RAX: variants seen among roughly 807,000 people sequenced by gnomAD.
RAX encodes the protein retina and anterior neural fold homeobox.
Under a neutral mutation model 17.4 loss-of-function variants are expected in RAX, and 11 were observed. That is an observed-to-expected ratio of 0.63 (90% CI 0.40 to 1.05). The LOEUF is 1.05. Ranked by LOEUF, RAX falls within the 50% of genes least tolerant of loss-of-function variation. The pLI, the probability that RAX is intolerant of heterozygous loss-of-function variation, is 0.00. For missense variants in RAX, 527 were observed against 501.1 expected (o/e 1.05, Z -0.49); for synonymous variants, 276 against 254.7 (o/e 1.08, Z -0.80).
In RAX at chr18:59,273,133, G is replaced by A. The variant is rs1309499862; in HGVS notation, c.74C>T (p.Pro25Leu). The change falls in exon 1 of 3, where the codon CCG (proline) becomes CTG (leucine). Residue 25 changes from proline to leucine, a missense_variant. Pro to Leu is a moderately conservative substitution (Grantham distance 98). Coordinates refer to ENST00000334889, the MANE Select transcript of RAX (RefSeq NM_013435.3). The stretch of plus-strand genomic sequence containing the variant: ...GTGAAGTCGCGAGGTGCTCCCGCCC[G>A]GGCTGCGGAGCAGGTGGCCGGCAAG... Reference protein sequence around the residue: ...FSLAGHLLRSPGGSTSRLHSI... With the variant: ...FSLAGHLLRSLGGSTSRLHSI... The A allele has an allele frequency of 6.5e-6, 10 of 1,534,880 alleles. No homozygotes were observed. The highest frequency in any genetic ancestry group is 1.2e-5 in the South Asian group (1 of 83,988).
intron 2 of RAX, among the ~76,000 whole-genome samples, 156 bp downstream of exon 2, chr18:59,272,205 A>G (rs748714160): frequency 1.3e-5 from 2 of 152,242 alleles, no homozygotes; most frequent in Non-Finnish European, 2.9e-5. Flanking sequence ...CACAGGGAAC[A>G]TCGAAGATCT....
rs2070287015 is a variant in RAX, at chr18:59,267,352, A to T, written c.*1652T>A. 1 of 152,200 alleles carries T rather than the reference A, an allele frequency of 6.6e-6. No homozygotes were observed. The highest frequency in any genetic ancestry group is 2.4e-5 in the African/African-American group (1 of 41,446). 9.4% of individuals were successfully genotyped at this position (152,200 alleles called of 1,614,324 possible). A position where few individuals can be genotyped will look rare whatever the true frequency, so the allele number is the denominator to read the frequency against. Reference sequence around the variant, plus strand: ...TCCTTTTCCCAAGTCGGTTTCAGGAACCGGAGAACAGCCAGGGAATTTCGG... The same window carrying T: ...TCCTTTTCCCAAGTCGGTTTCAGGATCCGGAGAACAGCCAGGGAATTTCGG... On this transcript the variant is annotated 3_prime_UTR_variant, in exon 3 of 3. Coordinates refer to ENST00000334889, the MANE Select transcript of RAX (RefSeq NM_013435.3).
chr18:59,271,507 A>G (rs1357093606), intron 2 of RAX, among the ~76,000 whole-genome samples: 1 of 152,260 alleles, frequency 6.6e-6, no homozygotes, highest in Non-Finnish European at 1.5e-5. Context: ...CAGAAAAGAA[A>G]AAGCAGCAGC....
intron 2 of RAX, 52 bp downstream of exon 2, chr18:59,272,309 A>G (rs770430016): frequency 4.0e-5 from 64 of 1,613,318 alleles, no homozygotes; most frequent in Admixed American, 1.3e-4. Flanking sequence ...ATTGGCTGCA[A>G]TTTGGGCCTC....
In RAX at chr18:59,272,388, C is replaced by T. The variant is rs144080426; in HGVS notation, c.516G>A (p.Lys172=). ...GGACCCGGACCTCTGGTAGGTTGAC[C>T]TTGCCGGCCAGCTCCTCGCGGCTGT... The part of the protein sequence containing the change: ...DVYSREELAG[K]VNLPEVRVQV... The change falls in exon 2 of 3, where the codon AAG becomes AAA. Residue 172 remains lysine, a synonymous_variant. Transcript: ENST00000334889. 699 of 1,614,142 alleles carry T rather than the reference C, an allele frequency of 4.3e-4. No individual in the cohort carries two copies. The highest frequency in any genetic ancestry group is 5.7e-4 in the Non-Finnish European group (674 of 1,180,058).
In RAX at chr18:59,268,958, G is replaced by C. The variant is rs199835983; in HGVS notation, c.*46C>G. The C allele has an allele frequency of 4.8e-3, 7,673 of 1,612,594 alleles. 25 individuals carry two copies. The highest frequency in any genetic ancestry group is 5.6e-3 in the Non-Finnish European group (6,641 of 1,179,740). On this transcript the variant is annotated 3_prime_UTR_variant, in exon 3 of 3. Transcript: ENST00000334889. This position sits in a 1 kb window ranked among gnomAD's most constrained non-coding sequence, Gnocchi z 4.4. ...TCCCTGGGAGAGAGGATGCGGGTAC[G>C]GTGCGGTCGGCCCGGGGTCGGATCC...
At chr18:59,272,655 A>C in intron 1 of RAX, 41 bp from the exon 2 acceptor site, 1 of 1,586,752 alleles carries the variant, frequency 6.3e-7, no homozygotes, top group Non-Finnish European at 8.5e-7. Context: ...GCACTCCCCA[A>C]AACACCCTTG....
At chr18:59,272,336 C>T (rs967667918) in intron 2 of RAX, 25 bp downstream of exon 2, 34 of 1,614,178 alleles carry the variant, frequency 2.1e-5, no homozygotes, top group Non-Finnish European at 2.7e-5. Flanking sequence ...TCCCAGATCC[C>T]AGTTCCTCAA....
chr18:59,270,661 G>A (rs1292457427), intron 2 of RAX, among the ~76,000 whole-genome samples: 2 of 152,146 alleles, frequency 1.3e-5, no homozygotes, highest in Non-Finnish European at 2.9e-5. Context: ...AGTCAATAAG[G>A]GCAGGGGACC....
Position 59,269,355 on chromosome 18 carries a change from G to T in RAX, c.690C>A (p.Ser230Arg), listed in dbSNP as rs1603388823. Residue 230 changes from serine (S) to arginine (R), a missense_variant, in exon 3 of 3, where the codon AGC becomes AGA. By Grantham distance (110) the Ser-to-Arg change is moderately radical (BLOSUM62 -1). Transcript: ENST00000334889. ...GCGCGCCCCCAGCCGGCCCGCCACC[G>T]CTGCCCGGGCCCGCCCCGAGGGGCG... is the stretch of plus-strand genomic sequence containing the variant. ...TLSPLGAGPG[S>R]GGGPAGGALP... is the part of the protein sequence containing the mutation. The T allele has an allele frequency of 7.2e-7, 1 of 1,397,500 alleles. No homozygotes were observed. The highest frequency in any genetic ancestry group is 9.3e-7 in the Non-Finnish European group (1 of 1,074,618). 86.6% of individuals were successfully genotyped at this position (1,397,500 alleles called of 1,614,324 possible).
chr18:59,269,427 G>A lies in RAX; in HGVS notation c.618C>T (p.Asp206=), dbSNP rs766173636. The part of the protein sequence containing the change: ...KLEVSSMKLQ[D]SPLLSFSRSP... ...AGCGGCTGAAGGAGAGGAGGGGCGAGTCCTGCAGCTTCATGGAGGACACTT... is the reference window on the plus strand; with the variant it reads ...AGCGGCTGAAGGAGAGGAGGGGCGAATCCTGCAGCTTCATGGAGGACACTT... The change falls in exon 3 of 3, where the codon GAC becomes GAT. Residue 206 remains aspartate (D), a synonymous_variant. Transcript: ENST00000334889. 7 of 1,582,336 alleles carry A rather than the reference G, an allele frequency of 4.4e-6. No individual in the cohort carries two copies. The East Asian group carries it at 6.8e-5, about 15-fold the overall frequency.
In RAX at chr18:59,272,937, C is replaced by A. The variant is rs768713686; in HGVS notation, c.270G>T (p.Ala90=). ...ACTCACCTTCGTACTCGGGGGCGGG[C>A]GCCGGGGCTGGCGGCGGGGAGGGCT... is the stretch of plus-strand genomic sequence containing the variant. ...GSEPSPPPAP[A]PAPEYEAPRP... is the part of the protein sequence containing the mutation. The change falls in exon 1 of 3, where the codon GCG becomes GCT. Residue 90 remains alanine (A), a synonymous_variant. Transcript: ENST00000334889. 4 of 1,462,676 alleles carry A rather than the reference C, an allele frequency of 2.7e-6. No homozygotes were observed. Among genetic ancestry groups the A allele is most frequent in the African/African-American group, 1.5e-5 (1 of 67,866 alleles). The allele number at this position is 1,462,676 out of a possible 1,614,324, so 90.6% of individuals were successfully genotyped here. A position where few individuals can be genotyped will look rare whatever the true frequency, so the allele number is the denominator to read the frequency against.
intron 2 of RAX, among the ~76,000 whole-genome samples, chr18:59,269,893 A>G (rs555570958): frequency 4.6e-5 from 7 of 150,754 alleles, no homozygotes; most frequent in East Asian, 1.9e-4. Context: ...AGAAGCTCAG[A>G]AAAAAAAAGT....
Position 59,267,256 on chromosome 18 carries a change from C to T in RAX, c.*1748G>A, listed in dbSNP as rs1388990137. The T allele has an allele frequency of 2.6e-5, 4 of 152,188 alleles. No homozygotes were observed. Among genetic ancestry groups the T allele is most frequent in the Non-Finnish European group, 4.4e-5 (3 of 68,042 alleles). 9.4% of individuals were successfully genotyped at this position (152,188 alleles called of 1,614,324 possible). On this transcript the variant is annotated 3_prime_UTR_variant, in exon 3 of 3. Transcript: ENST00000334889. ...TACACAGCCCTGGTTATGCAATAGC[C>T]TCTTAGACCCGCAGAGAAAGGACTG...
In RAX at chr18:59,273,354, G is replaced by A. The variant is rs1464638351; in HGVS notation, c.-148C>T. The A allele has an allele frequency of 1.2e-6, 1 of 859,410 alleles. No homozygotes were observed. The highest frequency in any genetic ancestry group is 1.7e-6 in the Non-Finnish European group (1 of 593,510). The allele number at this position is 859,410 out of a possible 1,614,324, so 53.2% of individuals were successfully genotyped here. ...AGCCCGCCCGGGCTGCGCACGCTGG[G>A]GGTGGCCGAGCGCTCAGCCCGCTGC... On this transcript the variant is annotated 5_prime_UTR_variant, in exon 1 of 3. Transcript: ENST00000334889.
intron 2 of RAX, among the ~76,000 whole-genome samples, chr18:59,271,228 C>T (rs892941963): frequency 2.6e-5 from 4 of 152,202 alleles, no homozygotes; most frequent in African/African-American, 9.7e-5. Context: ...GGCTCAAGTG[C>T]CCAGGGAGCT....
intron 2 of RAX, among the ~76,000 whole-genome samples, chr18:59,270,971 C>T (rs1475406971): frequency 2.6e-5 from 4 of 152,192 alleles, no homozygotes; most frequent in Non-Finnish European, 4.4e-5. Context: ...GATCTAGTGT[C>T]CCAGGTTATA....
intron 2 of RAX, 22 bp from the exon 3 acceptor site, chr18:59,269,523 C>A: frequency 1.3e-6 from 2 of 1,594,030 alleles, no homozygotes; most frequent in Non-Finnish European, 1.7e-6. Flanking sequence ...AGCACAGGGG[C>A]CGTCGGGCAG....
intron 2 of RAX, among the ~76,000 whole-genome samples, chr18:59,270,890 C>T (rs937501607): frequency 2.0e-5 from 3 of 152,176 alleles, no homozygotes; most frequent in African/African-American, 7.2e-5. Flanking sequence ...GGTGAGGGCT[C>T]CTGTCCCACC....
Sources: allele counts gnomAD v4.1 joint callset (sites outside exome capture counted in the v4.1 genomes callset), GRCh38; gene constraint gnomAD v4.1.1; non-coding constraint Gnocchi (gnomAD v3.1); transcripts MANE v1.5; gene names NCBI Gene and HGNC (gene_info 2026-07-23, HGNC 2026-07-21).